Variants in NUMA1 observed in about 807,000 individuals in gnomAD.
NUMA1 encodes SP-H antigen.
Under a neutral mutation model 237.1 loss-of-function variants are expected in NUMA1, and 62 were observed. That is an observed-to-expected ratio of 0.26 (90% CI 0.21 to 0.32). The LOEUF (loss-of-function observed/expected upper bound fraction) is 0.32. NUMA1 is among the 10% of genes least tolerant of loss of function. The pLI, the probability that NUMA1 is intolerant of heterozygous loss-of-function variation, is 1.00. For missense variants in NUMA1, 2,533 were observed against 2,666.5 expected, an observed-to-expected ratio of 0.95 and a Z score of 1.10; for synonymous variants, 1,028 against 1,066.1, an observed-to-expected ratio of 0.96 and a Z score of 0.70.
chr11:72,007,424 C>A lies in NUMA1; in HGVS notation c.5228G>T (p.Arg1743Leu), dbSNP rs759463716. ...TPLSITSKLP[R>L]TQPDGTSVPG... ...GACGCTGGTGCCGTCTGGCTGGGTACGAGGCAGCTTGCTATGGAAAGGAAA... is the reference window on the plus strand; with the variant it reads ...GACGCTGGTGCCGTCTGGCTGGGTAAGAGGCAGCTTGCTATGGAAAGGAAA... The change falls in exon 21 of 27, where the codon CGT (arginine) becomes CTT (leucine). Residue 1743 changes from arginine to leucine, a missense_variant. Arg to Leu is a moderately radical substitution (Grantham distance 102). This residue lies in a region of NUMA1 where 795 missense variants were observed against 750.8 expected (regional missense o/e 1.06). Transcript: ENST00000393695. 6.8e-6 allele frequency: 11 copies of A among 1,613,460 alleles called. No individual in the cohort carries two copies. The highest frequency in any genetic ancestry group is 9.3e-6 in the Non-Finnish European group (11 of 1,179,896).
Position 72,014,340 on chromosome 11 carries a change from C to A in NUMA1, c.3163G>T (p.Ala1055Ser), listed in dbSNP as rs149499808. Residue 1055 changes from alanine to serine, a missense_variant, in exon 15 of 27, where the codon GCC (alanine) becomes TCC (serine). Physicochemically the swap from Ala to Ser is moderately conservative, Grantham distance 99. Coordinates refer to ENST00000393695, the MANE Select transcript of NUMA1 (RefSeq NM_006185.4). The surrounding 1 kb of genome is among the most constrained non-coding windows in gnomAD (Gnocchi z 4.6). Reference sequence around the variant, plus strand: ...TCCTTGCCTTCCTTTTCCGTCAGGGCATGAGCCAGTGCCTCTTGCAGGGTA... The same window carrying A: ...TCCTTGCCTTCCTTTTCCGTCAGGGAATGAGCCAGTGCCTCTTGCAGGGTA... ...FATLQEALAH[A>S]LTEKEGKDQE... is the part of the protein sequence containing the mutation. 3 of 1,613,796 alleles carry A rather than the reference C, an allele frequency of 1.9e-6. No homozygotes were observed. Among genetic ancestry groups the A allele is most frequent in the East Asian group, 2.2e-5 (1 of 44,890 alleles).
Position 72,014,700 on chromosome 11 carries a change from G to A in NUMA1, c.2803C>T (p.Arg935Trp), listed in dbSNP as rs183576691. ...KAGEQQETAS[R>W]ELVKEPARAG... Reference sequence around the variant, plus strand: ...CTCGCAGGCTCCTTGACTAACTCCCGGGAGGCTGTTTCCTGCTGCTCACCT... The same window carrying A: ...CTCGCAGGCTCCTTGACTAACTCCCAGGAGGCTGTTTCCTGCTGCTCACCT... Residue 935 changes from arginine (R) to tryptophan (W), a missense_variant, in exon 15 of 27, where the codon CGG (arginine) becomes TGG (tryptophan). Transcript: ENST00000393695. The surrounding 1 kb of genome is among the most constrained non-coding windows in gnomAD (Gnocchi z 4.6). 2.7e-5 allele frequency: 44 copies of A among 1,613,816 alleles called. No homozygotes were observed. The highest frequency in any genetic ancestry group is 3.5e-5 in the Non-Finnish European group (41 of 1,180,038).
chr11:72,018,495 A>C lies in NUMA1; in HGVS notation c.761T>G (p.Met254Arg), dbSNP rs771905515. Residue 254 changes from methionine (M) to arginine (R), a missense_variant, in exon 11 of 27, where the codon ATG becomes AGG. By Grantham distance (91) the Met-to-Arg change is moderately conservative. Coordinates refer to ENST00000393695, the MANE Select transcript of NUMA1 (RefSeq NM_006185.4). ...GGCTAGGCGGTCAATGCGCTGCTGC[A>C]TCATGGCTATCTGTGCATCTGCCCA... ...LTEKDAQIAM[M>R]QQRIDRLALL... 4 of 1,614,132 alleles carry C rather than the reference A, an allele frequency of 2.5e-6. No homozygotes were observed. Among genetic ancestry groups the C allele is most frequent in the Non-Finnish European group, 3.4e-6 (4 of 1,179,990 alleles).
In NUMA1 at chr11:72,076,014, CT is replaced by C. The variant is rs1943689841; in HGVS notation, c.-103+4443del. Among the ~76,000 whole-genome samples the C allele has an allele frequency of 2.0e-5, 3 of 152,144 alleles. No homozygotes were observed. The South Asian group carries it at 6.2e-4, about 32-fold the overall frequency. On this transcript the variant is annotated intron_variant, in intron 1 of 26. Transcript: ENST00000393695. ...AAGATAATAGACTAGGAAAAAAAAT[CT>C]GTCCAGAGAGAAATAAAAAACTTGC...
At chr11:72,079,799 C>G (rs1478182559) in intron 1 of NUMA1, among the ~76,000 whole-genome samples, 2 of 150,962 alleles carry the variant, frequency 1.3e-5, no homozygotes, top group Non-Finnish European at 2.9e-5. Context: ...GACAACCACC[C>G]CAGGAAGTAG....
chr11:72,012,180 G>A, intron 16 of NUMA1: 1 of 543,798 alleles, frequency 1.8e-6, no homozygotes, highest in Non-Finnish European at 3.3e-6. Context: ...AGAAGGTGCA[G>A]AAGGGTGGAG....
intron 8 of NUMA1, 85 bp from the exon 9 acceptor site, chr11:72,019,702 C>A: frequency 6.9e-7 from 1 of 1,446,992 alleles, no homozygotes; most frequent in East Asian, 2.4e-5. Context: ...TTTGAGAACT[C>A]GCCTTAGTGG....
chr11:72,026,103 C>G (rs1939548883), intron 4 of NUMA1, among the ~76,000 whole-genome samples: 1 of 152,226 alleles, frequency 6.6e-6, no homozygotes, highest in Non-Finnish European at 1.5e-5. Context: ...CCCCCACCCC[C>G]TACAAAGCCT....
rs1956485058 is a variant in NUMA1, at chr11:72,015,745, G to A, written c.1758C>T (p.Ala586=). 1.2e-6 allele frequency: 2 copies of A among 1,614,054 alleles called. No individual in the cohort carries two copies. Among genetic ancestry groups the A allele is most frequent in the African/African-American group, 2.7e-5 (2 of 74,924 alleles). Residue 586 remains alanine, a synonymous_variant, in exon 15 of 27, where the codon GCC becomes GCT. Coordinates refer to ENST00000393695, the MANE Select transcript of NUMA1 (RefSeq NM_006185.4). The surrounding 1 kb of genome is among the most constrained non-coding windows in gnomAD (Gnocchi z 4.0). ...AGGCCTCTCGCTCCTCTGCAGCAGT[G>A]GCCAGTTGCTGGGCATGGTCCTGCC... The part of the protein sequence containing the change: ...ATRQDHAQQL[A]TAAEEREASL...
intron 15 of NUMA1, 133 bp from the exon 16 acceptor site, chr11:72,012,575 T>C: frequency 1.1e-6 from 1 of 898,662 alleles, no homozygotes; most frequent in East Asian, 2.4e-5. Flanking sequence ...AGTTTAAAAA[T>C]GCCAGTTAGG....
intron 2 of NUMA1, among the ~76,000 whole-genome samples, chr11:72,058,449 C>T (rs558187451): frequency 6.6e-6 from 1 of 152,302 alleles, no homozygotes; most frequent in Non-Finnish European, 1.5e-5. Context: ...TAAAAAGCTA[C>T]ATAAAAGTCC....
At chr11:72,070,018 T>C (rs921684592) in intron 1 of NUMA1, 107 bp from the exon 2 acceptor site, 3 of 151,960 alleles carry the variant, frequency 2.0e-5, no homozygotes, top group Admixed American at 2.0e-4. Flanking sequence ...GTTCTGTGGA[T>C]CAGACAGCAA....
At chr11:72,007,562 A>G in intron 20 of NUMA1, 127 bp from the exon 21 acceptor site, 1 of 1,230,632 alleles carries the variant, frequency 8.1e-7, no homozygotes, top group Admixed American at 2.3e-5. Context: ...CATCTCTCTG[A>G]TTTTTCAGAG....
chr11:72,035,723 T>C (rs1457366320), intron 3 of NUMA1, among the ~76,000 whole-genome samples, 179 bp downstream of exon 3: 2 of 152,094 alleles, frequency 1.3e-5, no homozygotes, highest in East Asian at 3.9e-4. Flanking sequence ...ATTTACCCTT[T>C]TATTCAGAAA....
intron 2 of NUMA1, among the ~76,000 whole-genome samples, chr11:72,046,181 C>T (rs1042375840): frequency 2.6e-5 from 4 of 152,240 alleles, no homozygotes; most frequent in Admixed American, 6.5e-5. Flanking sequence ...AGGCAGCAGG[C>T]GGCCACATGG....
Position 72,007,199 on chromosome 11 carries a change from G to C in NUMA1, c.5453C>G (p.Thr1818Ser). 1 of 1,609,300 alleles carries C rather than the reference G, an allele frequency of 6.2e-7. No individual in the cohort carries two copies. The highest frequency in any genetic ancestry group is 1.1e-5 in the South Asian group (1 of 91,076). ...RRRTTQIINI[T>S]MTKKLDVEEP... ...TCCCAGCAGCCTGACCTTGGTCATGGTGATGTTGATGATCTGCGTGGTGCG... is the reference window on the plus strand; with the variant it reads ...TCCCAGCAGCCTGACCTTGGTCATGCTGATGTTGATGATCTGCGTGGTGCG... Residue 1818 changes from threonine (T) to serine (S), a missense_variant, in exon 21 of 27, where the codon ACC (threonine) becomes AGC (serine). Physicochemically the swap from Thr to Ser is moderately conservative, Grantham distance 58 (BLOSUM62 1). This residue lies in a region of NUMA1 where 795 missense variants were observed against 750.8 expected (regional missense o/e 1.06). Transcript: ENST00000393695.
Position 72,010,825 on chromosome 11 carries a change from G to A in NUMA1, c.4680C>T (p.Asp1560=), listed in dbSNP as rs201335437. 6.2e-6 allele frequency: 10 copies of A among 1,613,968 alleles called. No homozygotes were observed. In the East Asian group the frequency reaches 2.2e-4, roughly 36 times the overall value. ...GCTGCACCTTGCTGGCTTGGTCAGA[G>A]TCAGCCAGTTTCTTACTCAGTTCTT... ...QVEELSKKLA[D]SDQASKVQQQ... is the part of the protein sequence containing the mutation. The change falls in exon 17 of 27, where the codon GAC becomes GAT. Residue 1560 remains aspartate (D), a synonymous_variant. Transcript: ENST00000393695.
chr11:72,050,453 A>C lies in NUMA1; in HGVS notation c.-32-14478T>G, dbSNP rs569203154. Among the ~76,000 whole-genome samples, 8 of 152,358 alleles carry C rather than the reference A, an allele frequency of 5.3e-5. No homozygotes were observed. The South Asian group carries it at 1.7e-3, about 32-fold the overall frequency. On this transcript the variant is annotated intron_variant, in intron 2 of 26. Transcript: ENST00000393695. ...ACCAACTTGTCAATATGTTACTAAT[A>C]AGTGAAATAAGTGGGAATGGTGTCT...
chr11:72,072,934 C>T (rs1159360254), intron 1 of NUMA1, among the ~76,000 whole-genome samples: 2 of 151,296 alleles, frequency 1.3e-5, no homozygotes, highest in African/African-American at 4.9e-5. Context: ...CCCAGCTACT[C>T]GGGAGGGGAG....
Sources: allele counts gnomAD v4.1 joint callset (sites outside exome capture counted in the v4.1 genomes callset), GRCh38; gene constraint gnomAD v4.1.1; regional missense constraint gnomAD v4.1.1; non-coding constraint Gnocchi (gnomAD v3.1); transcripts MANE v1.5; gene names NCBI Gene and HGNC (gene_info 2026-07-23, HGNC 2026-07-21).